The following WDPCP variants were observed in gnomAD, a reference collection of about 807,000 sequenced individuals.
WDPCP encodes the protein WD repeat containing planar cell polarity effector.
A neutral mutation model predicts 93.1 loss-of-function variants in WDPCP; 71 were observed. That is an observed-to-expected ratio of 0.76 (90% confidence interval 0.63 to 0.93). The LOEUF (loss-of-function observed/expected upper bound fraction) is 0.93. Among genes scored for constraint, WDPCP ranks in the 40% least tolerant of loss-of-function variants. WDPCP has a pLI of 0.00. For missense variants in WDPCP, 844 were observed against 887.4 expected, an observed-to-expected ratio of 0.95 and a Z score of 0.62; for synonymous variants, 315 against 315.0, an observed-to-expected ratio of 1.00 and a Z score of 0.00.
At chr2:63,329,696 G>C (rs1028436148) in intron 12 of WDPCP, among the ~76,000 whole-genome samples, 5 of 151,920 alleles carry the variant, frequency 3.3e-5, no homozygotes. Flanking sequence ...AATTTTTCAG[G>C]GCTGACTGAA....
At chr2:63,777,757 G>T (rs1670326149) in intron 2 of WDPCP, among the ~76,000 whole-genome samples, 1 of 152,172 alleles carries the variant, frequency 6.6e-6, no homozygotes, top group African/African-American at 2.4e-5. Context: ...GTTGCCTGAA[G>T]ATGAGGGGAG....
At chr2:63,264,868 T>A (rs13010705) in intron 13 of WDPCP, among the ~76,000 whole-genome samples, 1 of 152,210 alleles carries the variant, frequency 6.6e-6, no homozygotes, top group Non-Finnish European at 1.5e-5. Context: ...TGAAATCATA[T>A]ATTTTCTGAC....
intron 14 of WDPCP, among the ~76,000 whole-genome samples, chr2:63,224,991 G>A (rs1678162581): frequency 6.6e-6 from 1 of 151,570 alleles, no homozygotes; most frequent in African/African-American, 2.4e-5. Context: ...TATATGTGTG[G>A]GAACTGGGGT....
At chr2:63,473,915 T>C in intron 6 of WDPCP, among the ~76,000 whole-genome samples, 1 of 152,168 alleles carries the variant, frequency 6.6e-6, no homozygotes, top group South Asian at 2.1e-4. Flanking sequence ...ACTAAGGGCA[T>C]GAACTTTGAA....
At chr2:63,220,875 C>T (rs968299788) in intron 14 of WDPCP, among the ~76,000 whole-genome samples, 1 of 152,128 alleles carries the variant, frequency 6.6e-6, no homozygotes, top group Non-Finnish European at 1.5e-5. Context: ...CACCAAAAGG[C>T]CCCAGTGTGT....
intron 10 of WDPCP, among the ~76,000 whole-genome samples, chr2:63,403,371 G>A (rs935616621): frequency 7.2e-5 from 11 of 151,906 alleles, no homozygotes; most frequent in Middle Eastern, 3.2e-3. Flanking sequence ...GCAAACCCCC[G>A]TGACACGTTT....
At chr2:63,588,886 G>C (rs773991199), upstream of WDPCP, 2 of 914,268 alleles carry the variant, frequency 2.2e-6, no homozygotes, top group African/African-American at 1.6e-5. Context: ...CACAACCAGG[G>C]CAGCGTAAAC....
At chr2:63,332,723 A>C (rs1369627992) in intron 12 of WDPCP, among the ~76,000 whole-genome samples, 1 of 152,154 alleles carries the variant, frequency 6.6e-6, no homozygotes, top group African/African-American at 2.4e-5. Flanking sequence ...TCTTTTGAAG[A>C]GCAGAAGCTT....
chr2:63,649,154 C>A (rs1710082868), intron 3 of WDPCP, among the ~76,000 whole-genome samples: 1 of 152,266 alleles, frequency 6.6e-6, no homozygotes, highest in South Asian at 2.1e-4. Context: ...CAGAAAGAAA[C>A]CCCATACCTA....
intron 2 of WDPCP, among the ~76,000 whole-genome samples, chr2:63,761,933 T>C (rs1433408517): frequency 1.3e-5 from 2 of 152,122 alleles, no homozygotes; most frequent in Admixed American, 6.5e-5. Context: ...TCTTTTGGGC[T>C]GGGGGTCTAG....
chr2:63,378,176 G>T, intron 12 of WDPCP: 1 of 621,060 alleles, frequency 1.6e-6, no homozygotes, highest in Non-Finnish European at 2.7e-6. Flanking sequence ...AAAAAGTATT[G>T]GTTATATAAA....
chr2:63,717,674 C>A, intron 2 of WDPCP: 1 of 501,300 alleles, frequency 2.0e-6, no homozygotes, highest in South Asian at 1.5e-5. Flanking sequence ...CCAAAATCCT[C>A]TTAGAGCAGG....
intron 1 of WDPCP, among the ~76,000 whole-genome samples, chr2:63,578,277 T>C (rs1708249733): frequency 6.6e-6 from 1 of 152,142 alleles, no homozygotes; most frequent in East Asian, 1.9e-4. Context: ...TTTAAATAAA[T>C]CTCACCATAT....
chr2:63,530,388 C>A (rs1161271543), intron 1 of WDPCP, among the ~76,000 whole-genome samples: 2 of 152,184 alleles, frequency 1.3e-5, no homozygotes, highest in African/African-American at 4.8e-5. Flanking sequence ...CCCAGAGATT[C>A]TGGTATGCTG....
chr2:63,545,419 T>C (rs1705078191), intron 1 of WDPCP, among the ~76,000 whole-genome samples: 1 of 151,624 alleles, frequency 6.6e-6, no homozygotes, highest in Non-Finnish European at 1.5e-5. Flanking sequence ...ATGGAGGGCT[T>C]CAATCCAAAT....
chr2:63,534,735 C>G (rs924611137), intron 1 of WDPCP, among the ~76,000 whole-genome samples: 2 of 152,142 alleles, frequency 1.3e-5, no homozygotes, highest in African/African-American at 4.8e-5. Context: ...CTATTTATGA[C>G]AAACCCACAG....
chr2:63,743,062 G>A (rs1669746603), intron 2 of WDPCP, among the ~76,000 whole-genome samples: 1 of 151,986 alleles, frequency 6.6e-6, no homozygotes, highest in Non-Finnish European at 1.5e-5. Context: ...GTATTTTCAT[G>A]TTACAGATGA....
At chr2:63,415,747 C>A (rs1695368703) in intron 9 of WDPCP, among the ~76,000 whole-genome samples, 1 of 152,086 alleles carries the variant, frequency 6.6e-6, no homozygotes, top group South Asian at 2.1e-4. Flanking sequence ...CCACAGGGCA[C>A]TGGGAACCTT....
chr2:63,439,669 G>T, intron 7 of WDPCP, 88 bp downstream of exon 7: 1 of 1,153,932 alleles, frequency 8.7e-7, no homozygotes, highest in Non-Finnish European at 1.3e-6. Context: ...CAAGTCCCCA[G>T]TGGTAATAAT....
Sources: allele counts gnomAD v4.1 joint callset (sites outside exome capture counted in the v4.1 genomes callset), GRCh38; gene constraint gnomAD v4.1.1; transcripts MANE v1.5; gene names NCBI Gene and HGNC (gene_info 2026-07-23, HGNC 2026-07-21).